The following ARNT2 variants were observed in gnomAD, a reference collection of about 807,000 sequenced individuals.
ARNT2 encodes aryl hydrocarbon receptor nuclear translocator 2.
In ARNT2, 36 loss-of-function variants were observed where a neutral mutation model predicts 91.7. That is an observed-to-expected ratio of 0.39 (90% CI 0.30 to 0.52). The LOEUF is 0.52. ARNT2 is among the 20% of genes least tolerant of loss of function. ARNT2 has a pLI of 0.72. For missense variants in ARNT2, 775 were observed against 939.3 expected (o/e 0.83, Z 2.29); for synonymous variants, 365 against 347.1 (o/e 1.05, Z -0.57).
chr15:80,419,124 A>T (rs1895826887), intron 1 of ARNT2, among the ~76,000 whole-genome samples: 1 of 152,086 alleles, frequency 6.6e-6, no homozygotes, highest in Non-Finnish European at 1.5e-5. Context: ...TAGGTACCTC[A>T]GTGATTTGCA....
intron 1 of ARNT2, among the ~76,000 whole-genome samples, chr15:80,422,547 T>C (rs142423016): frequency 6.6e-6 from 1 of 152,346 alleles, no homozygotes; most frequent in African/African-American, 2.4e-5. Context: ...CTAAAGGAAC[T>C]TCTGAAGGTG....
At chr15:80,430,559 G>C (rs565045483) in intron 1 of ARNT2, among the ~76,000 whole-genome samples, 1 of 152,206 alleles carries the variant, frequency 6.6e-6, no homozygotes, top group African/African-American at 2.4e-5. Flanking sequence ...GATGCTGACT[G>C]TCCAGTCTCA....
chr15:80,457,537 T>G (rs1235508413), intron 2 of ARNT2, among the ~76,000 whole-genome samples: 1 of 152,218 alleles, frequency 6.6e-6, no homozygotes, highest in Non-Finnish European at 1.5e-5. Flanking sequence ...AAAGTCTTAA[T>G]GTGGAATAGG....
intron 1 of ARNT2, chr15:80,436,069 C>T (rs1169567138): frequency 6.6e-6 from 1 of 152,154 alleles, no homozygotes; most frequent in East Asian, 1.9e-4. Flanking sequence ...TCAGCTTTCC[C>T]CCACCACTTT....
chr15:80,475,598 C>G (rs1452937999), intron 5 of ARNT2: 1 of 172,912 alleles, frequency 5.8e-6, no homozygotes, highest in African/African-American at 2.4e-5. Flanking sequence ...AGTAAACAGG[C>G]CAGGAAACTG....
intron 5 of ARNT2, among the ~76,000 whole-genome samples, chr15:80,497,376 G>A (rs571090941): frequency 1.3e-5 from 2 of 152,378 alleles, no homozygotes; most frequent in East Asian, 3.9e-4. Context: ...GGGGCCATGA[G>A]CCAAGATCTG....
rs75822973 is a variant in ARNT2 at position 80,513,789 on chromosome 15, A to G, written c.726-122A>G. 1.6e-3 allele frequency: 1,211 copies of G among 770,690 alleles called. 18 individuals carry two copies. The African/African-American group carries it at 0.018, about 12-fold the overall frequency. The allele number at this position is 770,690 out of a possible 1,614,324, so 47.7% of individuals were successfully genotyped here. On this transcript the variant is annotated intron_variant, in intron 6 of 18. Coordinates refer to ENST00000303329, the MANE Select transcript of ARNT2 (RefSeq NM_014862.4). ...TCTGCACTTTTGAAGAAAATTGGCT[A>G]TAGGCGTCACCTGAATAAATGTGTA...
At chr15:80,491,574 T>C (rs1897056292) in intron 5 of ARNT2, among the ~76,000 whole-genome samples, 1 of 152,114 alleles carries the variant, frequency 6.6e-6, no homozygotes. Flanking sequence ...CAGAGAACCA[T>C]TATGCACTTG....
At chr15:80,532,299 G>T (rs1440368756) in intron 8 of ARNT2, among the ~76,000 whole-genome samples, 1 of 152,190 alleles carries the variant, frequency 6.6e-6, no homozygotes, top group Non-Finnish European at 1.5e-5. Flanking sequence ...CCCCCAAGCT[G>T]CACTGCCCCC....
chr15:80,552,740 C>T lies in ARNT2; in HGVS notation c.1055C>T (p.Pro352Leu), dbSNP rs1206943223. The T allele has an allele frequency of 2.5e-6, 4 of 1,614,026 alleles. No homozygotes were observed. Among genetic ancestry groups the T allele is most frequent in the Middle Eastern group, 3.3e-4 (2 of 6,060 alleles). Residue 352 changes from proline (P) to leucine (L), a missense_variant, in exon 10 of 19, where the codon CCA (proline) becomes CTA (leucine). Physicochemically the swap from Pro to Leu is moderately conservative, Grantham distance 98. This residue lies in a region of ARNT2 where 285 missense variants were observed against 327.2 expected (regional missense o/e 0.87). Coordinates refer to ENST00000303329, the MANE Select transcript of ARNT2 (RefSeq NM_014862.4). ...GATGGAATCATCACATTTGTGGATCCAAGATGTATCAGTGTGATTGGCTAC... is the reference window on the plus strand; with the variant it reads ...GATGGAATCATCACATTTGTGGATCTAAGATGTATCAGTGTGATTGGCTAC... Reference protein sequence around the residue: ...NSDGIITFVDPRCISVIGYQP... With the variant: ...NSDGIITFVDLRCISVIGYQP...
At chr15:80,537,135 C>A (rs1232119652) in intron 8 of ARNT2, among the ~76,000 whole-genome samples, 1 of 152,156 alleles carries the variant, frequency 6.6e-6, no homozygotes, top group Non-Finnish European at 1.5e-5. Flanking sequence ...CTGATGAGTC[C>A]TGCTCCAAGG....
chr15:80,491,113 C>A (rs1897050610), intron 5 of ARNT2, among the ~76,000 whole-genome samples: 13 of 152,036 alleles, frequency 8.6e-5, no homozygotes, highest in Admixed American at 8.5e-4. Flanking sequence ...AATAGCATAG[C>A]ATGTGAAAAG....
chr15:80,593,328 C>T (rs903825179), intron 18 of ARNT2, among the ~76,000 whole-genome samples: 13 of 152,238 alleles, frequency 8.5e-5, no homozygotes, highest in African/African-American at 3.1e-4. Flanking sequence ...TCTCGTCTAC[C>T]CTGGGTCCCT....
intron 17 of ARNT2, among the ~76,000 whole-genome samples, chr15:80,590,569 C>T (rs937000438): frequency 1.3e-5 from 2 of 152,016 alleles, no homozygotes; most frequent in African/African-American, 4.8e-5. Flanking sequence ...CAGACCCCAT[C>T]TCTAAAAAAA....
intron 5 of ARNT2, among the ~76,000 whole-genome samples, chr15:80,504,163 A>G (rs936033642): frequency 2.0e-5 from 3 of 152,144 alleles, no homozygotes; most frequent in Non-Finnish European, 4.4e-5. Context: ...TTTGATTTCA[A>G]ATGATAGAAA....
chr15:80,516,847 A>ATATATATATATATATATG, intron 8 of ARNT2, among the ~76,000 whole-genome samples: 1 of 133,104 alleles, frequency 7.5e-6, no homozygotes, highest in Non-Finnish European at 1.6e-5. Flanking sequence ...ATATATATAT[A>ATATATATATATATATATG]TATATATATC....
chr15:80,404,997 G>A lies in ARNT2; in HGVS notation c.31+451G>A, dbSNP rs1381733414. Among the ~76,000 whole-genome samples, 1 of 152,144 alleles carries A rather than the reference G, an allele frequency of 6.6e-6. No homozygotes were observed. Among genetic ancestry groups the A allele is most frequent in the Non-Finnish European group, 1.5e-5 (1 of 68,024 alleles). ...GGGATTCAACAGGGTACAACTCCCG[G>A]GACTCTCCCCTGCCCGCCCCGCCCA... On this transcript the variant is annotated intron_variant, in intron 1 of 18. Coordinates refer to ENST00000303329, the MANE Select transcript of ARNT2 (RefSeq NM_014862.4). This position sits in a 1 kb window ranked among gnomAD's most constrained non-coding sequence, Gnocchi z 5.5.
At chr15:80,474,426 T>C (rs1448254399) in intron 4 of ARNT2, among the ~76,000 whole-genome samples, 1 of 152,164 alleles carries the variant, frequency 6.6e-6, no homozygotes, top group Non-Finnish European at 1.5e-5. Flanking sequence ...GTTCTGGAAA[T>C]CTGACAGAAA....
intron 8 of ARNT2, among the ~76,000 whole-genome samples, chr15:80,516,288 G>A (rs977417659): frequency 1.3e-5 from 2 of 152,194 alleles, no homozygotes; most frequent in Non-Finnish European, 1.5e-5. Flanking sequence ...AAGGAGAAAT[G>A]TTGAAATCTC....
Sources: allele counts gnomAD v4.1 joint callset (sites outside exome capture counted in the v4.1 genomes callset), GRCh38; gene constraint gnomAD v4.1.1; regional missense constraint gnomAD v4.1.1; non-coding constraint Gnocchi (gnomAD v3.1); transcripts MANE v1.5; gene names NCBI Gene and HGNC (gene_info 2026-07-23, HGNC 2026-07-21).